Variants in POLR3A observed in about 807,000 individuals in gnomAD.
POLR3A encodes DNA-directed RNA polymerase III subunit RPC1.
In POLR3A, 112 loss-of-function variants were observed where a neutral mutation model predicts 152.8. The ratio of observed to expected loss-of-function variants is 0.73; its 90% confidence interval spans 0.63 to 0.86. The LOEUF (loss-of-function observed/expected upper bound fraction) is 0.86, where lower values mean the gene tolerates loss of function less well. Ranked by LOEUF, POLR3A falls within the 40% of genes least tolerant of loss-of-function variation. The pLI, the probability that POLR3A is intolerant of heterozygous loss-of-function variation, is 0.00. For synonymous variants in POLR3A, 615 were observed against 652.1 expected (o/e 0.94, Z 0.87); for missense variants, 1,385 against 1,743.1 (o/e 0.79, Z 3.66).
chr10:78,013,441 T>A (rs3758465), intron 11 of POLR3A: 3 of 600,808 alleles, frequency 5.0e-6, no homozygotes, highest in East Asian at 5.8e-5. Context: ...CTAACTCTCA[T>A]GTATATACTA....
intron 26 of POLR3A, among the ~76,000 whole-genome samples, 182 bp downstream of exon 26, chr10:77,983,738 T>C (rs773669369): frequency 1.3e-5 from 2 of 152,166 alleles, no homozygotes; most frequent in African/African-American, 2.4e-5. Flanking sequence ...GATGGGTATA[T>C]TTGTATCAAG....
chr10:78,014,164 G>C (rs866800798), intron 10 of POLR3A, among the ~76,000 whole-genome samples: 1 of 113,644 alleles, frequency 8.8e-6, no homozygotes, highest in Non-Finnish European at 1.9e-5. Flanking sequence ...CTCAAAAAAA[G>C]AAAAAAAAAA....
rs746272267 is a variant in POLR3A at position 77,976,636 on chromosome 10, T to C, written c.*842A>G. On this transcript the variant is annotated 3_prime_UTR_variant, in exon 31 of 31. Transcript: ENST00000372371. ...AGAGATCATCCAAGGAACGTAAGTA[T>C]AATTCTACAAAAAACCATCTCATCC... is the stretch of plus-strand genomic sequence containing the variant. 2 of 152,242 alleles carry C rather than the reference T, an allele frequency of 1.3e-5. No homozygotes were observed. Among genetic ancestry groups the C allele is most frequent in the Non-Finnish European group, 2.9e-5 (2 of 68,078 alleles). The allele number at this position is 152,242 out of a possible 1,614,324, so 9.4% of individuals were successfully genotyped here. A position where few individuals can be genotyped will look rare whatever the true frequency, so the allele number is the denominator to read the frequency against.
intron 5 of POLR3A, 77 bp from the exon 6 acceptor site, chr10:78,022,461 T>C (rs1023714285): frequency 1.4e-6 from 2 of 1,472,458 alleles, no homozygotes; most frequent in Non-Finnish European, 1.9e-6. Context: ...TCCTTCACTA[T>C]GTTTTCTAAC....
chr10:78,019,622 G>A (rs1847558372), intron 8 of POLR3A: 1 of 326,538 alleles, frequency 3.1e-6, no homozygotes, highest in Admixed American at 4.5e-5. Flanking sequence ...GGGCTTGTAA[G>A]GTTTAAAAGT....
intron 27 of POLR3A, 46 bp downstream of exon 27, chr10:77,982,607 C>T (rs763106948): frequency 2.5e-6 from 4 of 1,568,726 alleles, no homozygotes; most frequent in South Asian, 2.2e-5. Flanking sequence ...GGGTGTCACA[C>T]CACAGGGAGA....
In POLR3A at chr10:77,985,922, AG is replaced by A. The variant is rs1374158085; in HGVS notation, c.3051del (p.Cys1018ValfsTer6). On this transcript the variant is annotated frameshift_variant, in exon 23 of 31. Coordinates refer to ENST00000372371, the MANE Select transcript of POLR3A (RefSeq NM_007055.4). LOFTEE classifies it high-confidence loss of function. ...TPTQVEKFLE[T>X]CRDKYMRAQM... is the part of the protein sequence containing the mutation. ...CCCTACCTCATGTACTTGTCCCTAC[AG>A]GTCTCCAGAAACTTTTCTACTTGGG... 6.2e-7 allele frequency: 1 copy of A among 1,613,872 alleles called. No homozygotes were observed.
chr10:78,027,099 T>C (rs1847642495), intron 1 of POLR3A, among the ~76,000 whole-genome samples: 1 of 152,148 alleles, frequency 6.6e-6, no homozygotes, highest in African/African-American at 2.4e-5. Context: ...AGAAGTGATG[T>C]AAGCAGTGGA....
intron 29 of POLR3A, among the ~76,000 whole-genome samples, chr10:77,980,495 AAAG>A (rs1475474157): frequency 2.6e-5 from 4 of 151,822 alleles, no homozygotes; most frequent in East Asian, 1.9e-4. Context: ...CCATCAGAAC[AAAG>A]AAGAATTGAG....
intron 11 of POLR3A, among the ~76,000 whole-genome samples, chr10:78,011,777 G>C (rs1255080545): frequency 6.6e-6 from 1 of 152,194 alleles, no homozygotes; most frequent in Non-Finnish European, 1.5e-5. Flanking sequence ...GCACTACACG[G>C]AGAACAGCAT....
Position 78,012,813 on chromosome 10 carries a change from C to A in POLR3A, c.1572+837G>T, listed in dbSNP as rs11002367. Among the ~76,000 whole-genome samples the A allele has an allele frequency of 9.7e-3, 1,480 of 152,250 alleles. 29 individuals carry two copies. Among genetic ancestry groups the A allele is most frequent in the African/African-American group, 0.033 (1,377 of 41,550 alleles). The stretch of plus-strand genomic sequence containing the variant: ...CACAGCTCACTGCAGCCTCAACCTC[C>A]TGGGACCAAGCAATCCTCCCATTTC... On this transcript the variant is annotated intron_variant, in intron 11 of 30. Transcript: ENST00000372371.
chr10:77,989,226 C>A (rs1220662546), intron 21 of POLR3A, among the ~76,000 whole-genome samples: 6 of 152,246 alleles, frequency 3.9e-5, no homozygotes, highest in Admixed American at 1.3e-4. Context: ...GCAGGCAATT[C>A]ATCACACGAT....
chr10:77,980,379 C>T, intron 29 of POLR3A, 106 bp from the exon 30 acceptor site: 2 of 1,106,568 alleles, frequency 1.8e-6, no homozygotes, highest in Non-Finnish European at 2.7e-6. Context: ...CCTCCAAGAC[C>T]CAACGTCAGG....
intron 8 of POLR3A, chr10:78,019,614 G>A (rs41274608): frequency 5.3e-5 from 18 of 339,104 alleles, no homozygotes; most frequent in Middle Eastern, 9.7e-4. Context: ...CTTACTGGGG[G>A]CTTGTAAGGT....
At position 78,002,316 on chromosome 10, in the gene POLR3A, G is replaced by T; in HGVS notation, c.2248-8C>A. On this transcript the variant is annotated splice_region_variant and splice_polypyrimidine_tract_variant and intron_variant, in intron 16 of 30. Coordinates refer to ENST00000372371, the MANE Select transcript of POLR3A (RefSeq NM_007055.4). ...CTCCTTCAGGATCAGTGCCTAGTGG[G>T]AGAAAAGGAGATCCTTGGTGGGTTG... is the stretch of plus-strand genomic sequence containing the variant. The T allele has an allele frequency of 6.6e-7, 1 of 1,526,066 alleles. No individual in the cohort carries two copies. Among genetic ancestry groups the T allele is most frequent in the Non-Finnish European group, 9.0e-7 (1 of 1,112,138 alleles). The allele number at this position is 1,526,066 out of a possible 1,614,324, so 94.5% of individuals were successfully genotyped here. A position where few individuals can be genotyped will look rare whatever the true frequency, so the allele number is the denominator to read the frequency against.
rs1428750915 is a variant in POLR3A, at chr10:77,975,727, C to G, written c.*1751G>C. Reference sequence around the variant, plus strand: ...AGACAACAGGTGCCGGAGTTCACTCCTATGATTCAATTCTACCCTCCCCTG... The same window carrying G: ...AGACAACAGGTGCCGGAGTTCACTCGTATGATTCAATTCTACCCTCCCCTG... On this transcript the variant is annotated 3_prime_UTR_variant, in exon 31 of 31. Coordinates refer to ENST00000372371, the MANE Select transcript of POLR3A (RefSeq NM_007055.4). 1 of 152,296 alleles carries G rather than the reference C, an allele frequency of 6.6e-6. No individual in the cohort carries two copies. Among genetic ancestry groups the G allele is most frequent in the East Asian group, 1.9e-4 (1 of 5,198 alleles). 9.4% of individuals were successfully genotyped at this position (152,296 alleles called of 1,614,324 possible).
intron 19 of POLR3A, among the ~76,000 whole-genome samples, chr10:77,994,216 A>C (rs943022191): frequency 2.6e-5 from 4 of 152,312 alleles, no homozygotes; most frequent in African/African-American, 4.8e-5. Flanking sequence ...GACACACACA[A>C]AAAAGACGAT....
At position 78,017,660 on chromosome 10, in the gene POLR3A, A is replaced by T. The variant is rs753146785; in HGVS notation, c.1346T>A (p.Ile449Asn). Residue 449 changes from isoleucine to asparagine, a missense_variant, in exon 10 of 31, where the codon ATC (isoleucine) becomes AAC (asparagine). Ile to Asn is a moderately radical substitution (Grantham distance 149, BLOSUM62 -3). Coordinates refer to ENST00000372371, the MANE Select transcript of POLR3A (RefSeq NM_007055.4). Reference sequence around the variant, plus strand: ...TCCATCGATGAGGTGTCTCTCTACGATGTCACCATACTTGAGCTCTTGAGC... The same window carrying T: ...TCCATCGATGAGGTGTCTCTCTACGTTGTCACCATACTTGAGCTCTTGAGC... ...KMAQELKYGDIVERHLIDGDV... is the reference protein window; with the variant it reads ...KMAQELKYGDNVERHLIDGDV... 2.5e-6 allele frequency: 4 copies of T among 1,614,102 alleles called. No homozygotes were observed. The highest frequency in any genetic ancestry group is 1.7e-6 in the Non-Finnish European group (2 of 1,179,954).
In POLR3A at chr10:78,025,010, G is replaced by C; in HGVS notation, c.451C>G (p.Arg151Gly). 1 of 1,614,114 alleles carries C rather than the reference G, an allele frequency of 6.2e-7. No individual in the cohort carries two copies. The highest frequency in any genetic ancestry group is 8.5e-7 in the Non-Finnish European group (1 of 1,180,030). The change falls in exon 4 of 31, where the codon CGG becomes GGG. Residue 151 changes from arginine (R) to glycine (G), a missense_variant. This residue lies in a region of POLR3A where 493 missense variants were observed against 647.5 expected (regional missense o/e 0.76). Transcript: ENST00000372371. ...CAGTGATGGCAGATGTTTTTCTTCC[G>C]GCACTTGTCAGAGATTTTCTTTTTC... ...GLKKKISDKC[R>G]KKNICHHCGA...
Sources: gnomAD v4.1 joint callset for allele counts (sites outside exome capture counted in the v4.1 genomes callset) on GRCh38, gnomAD v4.1.1 for gene constraint, gnomAD v4.1.1 regional missense constraint, MANE v1.5 for transcripts, NCBI Gene and HGNC (gene_info 2026-07-23, HGNC 2026-07-21) for gene names.